The following PRKN variants were observed in gnomAD, a reference collection of about 807,000 sequenced individuals.
The protein encoded by PRKN is E3 ubiquitin-protein ligase parkin.
A neutral mutation model predicts 59.5 loss-of-function variants in PRKN; 56 were observed. That is an observed-to-expected ratio of 0.94 (90% CI 0.76 to 1.18). PRKN has a LOEUF of 1.18. PRKN is among the 50% of genes most tolerant of loss of function. PRKN has a pLI of 0.00. For synonymous variants in PRKN, 250 were observed against 222.1 expected, an observed-to-expected ratio of 1.13 and a Z score of -1.12; for missense variants, 657 against 596.4, an observed-to-expected ratio of 1.10 and a Z score of -1.06.
intron 6 of PRKN, among the ~76,000 whole-genome samples, chr6:161,806,868 G>A (rs575934530): frequency 3.3e-5 from 5 of 152,268 alleles, no homozygotes; most frequent in South Asian, 4.1e-4. Flanking sequence ...AGAGAGTCAC[G>A]CAGGATCAAT....
chr6:162,011,973 G>A (rs1782744087), intron 5 of PRKN, among the ~76,000 whole-genome samples: 2 of 152,012 alleles, frequency 1.3e-5, no homozygotes, highest in African/African-American at 2.4e-5. Flanking sequence ...GCTAGCTAGA[G>A]GATAGATATA....
At chr6:162,029,611 C>T (rs966029971) in intron 5 of PRKN, among the ~76,000 whole-genome samples, 1 of 152,220 alleles carries the variant, frequency 6.6e-6, no homozygotes, top group Non-Finnish European at 1.5e-5. Flanking sequence ...TGAGGTTTGG[C>T]TCCCTCTCTG....
intron 1 of PRKN, among the ~76,000 whole-genome samples, chr6:162,495,324 T>A (rs541143940): frequency 6.6e-6 from 1 of 152,338 alleles, no homozygotes; most frequent in South Asian, 2.1e-4. Flanking sequence ...TAAATTTAAG[T>A]CCATCAAGAA....
intron 9 of PRKN, among the ~76,000 whole-genome samples, chr6:161,465,198 C>T (rs1184025724): frequency 2.6e-5 from 4 of 152,186 alleles, no homozygotes; most frequent in Non-Finnish European, 5.9e-5. Flanking sequence ...TCAGTGTTTG[C>T]TTACTGCTCT....
At chr6:162,095,934 C>G (rs771754496) in intron 4 of PRKN, among the ~76,000 whole-genome samples, 6 of 152,202 alleles carry the variant, frequency 3.9e-5, no homozygotes, top group Non-Finnish European at 7.3e-5. Context: ...ATCCTGGACA[C>G]ACACCCACAG....
rs1304651179 is a variant in PRKN at position 161,397,093 on chromosome 6, C to T, written c.1084-10216G>A. ...TCCCAAGCCCTGTTTCTTACTCATA[C>T]CTCTATTAAACTGTTTCACCCTCTA... On this transcript the variant is annotated intron_variant, in intron 9 of 11. Transcript: ENST00000366898. This position sits in a 1 kb window ranked among gnomAD's most constrained non-coding sequence, Gnocchi z 4.2. 6.6e-6 allele frequency among the ~76,000 whole-genome samples: 1 copy of T among 152,146 alleles called. No individual in the cohort carries two copies. Among genetic ancestry groups the T allele is most frequent in the Non-Finnish European group, 1.5e-5 (1 of 68,032 alleles).
chr6:161,450,776 C>T (rs144296840), intron 9 of PRKN, among the ~76,000 whole-genome samples: 68 of 152,248 alleles, frequency 4.5e-4, no homozygotes, highest in African/African-American at 1.5e-3. Context: ...AGGATGGTCT[C>T]GACCTCCTGA....
Position 162,384,663 on chromosome 6 carries a change from C to CA in PRKN, c.171+58646dup, listed in dbSNP as rs370455931. Among the ~76,000 whole-genome samples, 605 of 125,718 alleles carry CA rather than the reference C, an allele frequency of 4.8e-3. 4 individuals are homozygous for CA. The highest frequency in any genetic ancestry group is 8.7e-3 in the Middle Eastern group (2 of 230). The allele number at this position is 125,718 out of a possible 152,430, so 82.5% of individuals were successfully genotyped here. A position where few individuals can be genotyped will look rare whatever the true frequency, so the allele number is the denominator to read the frequency against. On this transcript the variant is annotated intron_variant, in intron 2 of 11. Coordinates refer to ENST00000366898, the MANE Select transcript of PRKN (RefSeq NM_004562.3). ...TTCAATTTGTAAAAAAAAAAAAAAA[C>CA]AAAAAAAAAAAACACTCATTATCTG...
At chr6:161,740,778 G>A (rs563499398) in intron 7 of PRKN, among the ~76,000 whole-genome samples, 2 of 152,186 alleles carry the variant, frequency 1.3e-5, no homozygotes, top group Non-Finnish European at 2.9e-5. Flanking sequence ...GGTCATTAAG[G>A]AATTTATCAG....
chr6:161,809,259 G>T (rs544899697), intron 6 of PRKN, among the ~76,000 whole-genome samples: 13 of 151,176 alleles, frequency 8.6e-5, no homozygotes, highest in East Asian at 3.9e-4. Flanking sequence ...TCAAAGGCAG[G>T]GGGGGAAGGG....
At chr6:162,091,353 T>A (rs6915059) in intron 4 of PRKN, among the ~76,000 whole-genome samples, 4,092 of 152,290 alleles carry the variant, frequency 0.027, 195 homozygotes, top group African/African-American at 0.094. Context: ...AGTTTACTAA[T>A]AGAGCTTATA....
chr6:162,199,175 CAT>C (rs1407182968), intron 4 of PRKN, among the ~76,000 whole-genome samples: 2 of 149,336 alleles, frequency 1.3e-5, no homozygotes, highest in Non-Finnish European at 3.0e-5. Context: ...TCACTGTGGA[CAT>C]ATGAGTATGT....
At chr6:161,792,140 T>C (rs1790664470) in intron 6 of PRKN, among the ~76,000 whole-genome samples, 1 of 152,218 alleles carries the variant, frequency 6.6e-6, no homozygotes, top group Non-Finnish European at 1.5e-5. Flanking sequence ...CTGCATGAGA[T>C]ACCCTGAGCA....
chr6:161,544,260 G>T lies in PRKN; in HGVS notation c.1083+4594C>A, dbSNP rs773659109. Among the ~76,000 whole-genome samples, 31 of 152,084 alleles carry T rather than the reference G, an allele frequency of 2.0e-4. No individual in the cohort carries two copies. Among genetic ancestry groups the T allele is most frequent in the Non-Finnish European group, 3.7e-4 (25 of 67,994 alleles). Reference sequence around the variant, plus strand: ...CTGCAGTACTTTCAGGTTTCTAATGGACTTTTTGTGGATCCCTGAACATAG... The same window carrying T: ...CTGCAGTACTTTCAGGTTTCTAATGTACTTTTTGTGGATCCCTGAACATAG... On this transcript the variant is annotated intron_variant, in intron 9 of 11. Transcript: ENST00000366898. The surrounding 1 kb of genome is among the most constrained non-coding windows in gnomAD (Gnocchi z 5.5).
chr6:161,861,902 A>C (rs1460805773), intron 6 of PRKN, among the ~76,000 whole-genome samples: 1 of 152,184 alleles, frequency 6.6e-6, no homozygotes, highest in Non-Finnish European at 1.5e-5. Context: ...TATAACAGAA[A>C]TTTATCTCCT....
In PRKN at chr6:161,459,165, T is replaced by A. The variant is rs1259949753; in HGVS notation, c.1084-72288A>T. Among the ~76,000 whole-genome samples the A allele has an allele frequency of 6.6e-6, 1 of 152,154 alleles. No individual in the cohort carries two copies. The highest frequency in any genetic ancestry group is 1.5e-5 in the Non-Finnish European group (1 of 68,022). On this transcript the variant is annotated intron_variant, in intron 9 of 11. Transcript: ENST00000366898. This position sits in a 1 kb window ranked among gnomAD's most constrained non-coding sequence, Gnocchi z 4.8. The stretch of plus-strand genomic sequence containing the variant: ...GGTACTTAGCACCTGCCCTCAGTGA[T>A]CACCATTTTTCAGGTAAGACTTGTT...
rs1787987979 is a variant in PRKN, at chr6:161,419,389, CTTCTTCT to C, written c.1084-32519_1084-32513del. The stretch of plus-strand genomic sequence containing the variant: ...GAGGGCCTTTCCTTTTTTCTTTTTT[CTTCTTCT>C]TTTTTTTTTTAAATGGAGTCTCGCT... On this transcript the variant is annotated intron_variant, in intron 9 of 11. Transcript: ENST00000366898. This position sits in a 1 kb window ranked among gnomAD's most constrained non-coding sequence, Gnocchi z 4.1. Among the ~76,000 whole-genome samples the C allele has an allele frequency of 2.2e-5, 2 of 92,902 alleles. No homozygotes were observed. The highest frequency in any genetic ancestry group is 4.2e-5 in the African/African-American group (1 of 23,746). 60.9% of individuals were successfully genotyped at this position (92,902 alleles called of 152,430 possible). A position where few individuals can be genotyped will look rare whatever the true frequency, so the allele number is the denominator to read the frequency against.
intron 2 of PRKN, among the ~76,000 whole-genome samples, chr6:162,362,494 T>A (rs1188453246): frequency 6.6e-6 from 1 of 152,126 alleles, no homozygotes; most frequent in Non-Finnish European, 1.5e-5. Context: ...GTAAAATAAC[T>A]GAAAAATAAT....
intron 9 of PRKN, among the ~76,000 whole-genome samples, chr6:161,492,376 A>C (rs764662152): frequency 5.7e-4 from 86 of 152,202 alleles, no homozygotes; most frequent in Non-Finnish European, 8.8e-4. Context: ...ATAAGGGGTA[A>C]AAGTAAAAGT....
Sources: gnomAD v4.1 joint callset for allele counts (sites outside exome capture counted in the v4.1 genomes callset) on GRCh38, gnomAD v4.1.1 for gene constraint, Gnocchi (gnomAD v3.1) non-coding constraint, MANE v1.5 for transcripts, NCBI Gene and HGNC (gene_info 2026-07-23, HGNC 2026-07-21) for gene names.